POLA1: variants seen among roughly 807,000 people sequenced by gnomAD.
POLA1 encodes DNA polymerase alpha 1, catalytic subunit.
In POLA1, 15 loss-of-function variants were observed where a neutral mutation model predicts 124.0. The observed-to-expected ratio is 0.12, with a 90% CI of 0.08 to 0.19. The LOEUF (loss-of-function observed/expected upper bound fraction) is 0.19. POLA1 is among the 10% of genes least tolerant of loss of function. The pLI is 1.00. For missense variants in POLA1, 886 were observed against 1,103.4 expected (o/e 0.80, Z 2.79); for synonymous variants, 408 against 389.4 (o/e 1.05, Z -0.56).
Position 24,792,007 on chromosome X carries a change from T to C in POLA1, c.2965-17891T>C, listed in dbSNP as rs1028827009. Reference sequence around the variant, plus strand: ...ATTTTTCTACTGGTTTTGGGACTACTTGGGTGAGATATGTGAAATAGATTC... The same window carrying C: ...ATTTTTCTACTGGTTTTGGGACTACCTGGGTGAGATATGTGAAATAGATTC... On this transcript the variant is annotated intron_variant, in intron 26 of 36. Coordinates refer to ENST00000379068, the MANE Select transcript of POLA1 (RefSeq NM_001330360.2). Among the ~76,000 whole-genome samples, 5 of 112,338 alleles carry C rather than the reference T, an allele frequency of 4.5e-5. No individual in the cohort carries two copies. In the Admixed American group the frequency reaches 4.7e-4, roughly 11 times the overall value.
intron 26 of POLA1, among the ~76,000 whole-genome samples, chrX:24,783,422 A>T (rs2045302682): frequency 8.9e-6 from 1 of 111,830 alleles, no homozygotes; most frequent in African/African-American, 3.3e-5. Flanking sequence ...GCAATATATA[A>T]TGTGTAGGTA....
At chrX:24,876,730 G>T (rs1247065119) in intron 34 of POLA1, among the ~76,000 whole-genome samples, 1 of 110,902 alleles carries the variant, frequency 9.0e-6, no homozygotes, top group Non-Finnish European at 1.9e-5. Flanking sequence ...GTGGAGAGAC[G>T]AAGTCAGGGC....
At chrX:24,726,681 G>A (rs945839397) in intron 13 of POLA1, among the ~76,000 whole-genome samples, 8 of 111,593 alleles carry the variant, frequency 7.2e-5, no homozygotes, top group African/African-American at 2.0e-4. Context: ...ATTTTCTTTT[G>A]GGGGAGCTTC....
intron 32 of POLA1, among the ~76,000 whole-genome samples, chrX:24,836,072 C>T (rs1305956961): frequency 8.9e-6 from 1 of 111,945 alleles, no homozygotes; most frequent in Non-Finnish European, 1.9e-5. Flanking sequence ...TGATCCTCTA[C>T]ATACCTGGCA....
At chrX:24,881,550 A>G (rs1472086726) in intron 34 of POLA1, among the ~76,000 whole-genome samples, 1 of 111,728 alleles carries the variant, frequency 9.0e-6, no homozygotes, top group African/African-American at 3.3e-5. Flanking sequence ...CATAACCTCA[A>G]TTCTGTATTC....
chrX:24,745,617 A>G, intron 24 of POLA1, 75 bp downstream of exon 24: 6 of 698,046 alleles, frequency 8.6e-6, no homozygotes, highest in Non-Finnish European at 1.3e-5. Context: ...GTGTCTTTTT[A>G]AAATAGTTTT....
chrX:24,696,209 G>A (rs1927988089), intron 1 of POLA1, among the ~76,000 whole-genome samples: 1 of 112,460 alleles, frequency 8.9e-6, no homozygotes, highest in South Asian at 3.7e-4. Context: ...GCCCCTATCT[G>A]TAAGCTGCAG....
chrX:24,762,931 T>G (rs376587775), intron 26 of POLA1, among the ~76,000 whole-genome samples: 90 of 110,660 alleles, frequency 8.1e-4, no homozygotes, highest in African/African-American at 2.9e-3. Context: ...AGAGTTGGGG[T>G]TTCACCATGT....
chrX:24,859,148 G>A (rs939343047), intron 34 of POLA1, among the ~76,000 whole-genome samples: 1 of 111,160 alleles, frequency 9.0e-6, no homozygotes, highest in Non-Finnish European at 1.9e-5. Flanking sequence ...CTTGCTAATC[G>A]ATCTCCCTTG....
At chrX:24,829,359 C>T (rs898155265) in intron 32 of POLA1, among the ~76,000 whole-genome samples, 4 of 111,527 alleles carry the variant, frequency 3.6e-5, no homozygotes, top group East Asian at 2.8e-4. Context: ...TTTTATATCG[C>T]GGATGTGTGA....
chrX:24,707,661 A>G (rs1487881218), intron 4 of POLA1, among the ~76,000 whole-genome samples: 2 of 112,442 alleles, frequency 1.8e-5, no homozygotes, highest in East Asian at 5.6e-4. Flanking sequence ...TAAAAAGTCA[A>G]CTATGGTGTG....
At chrX:24,697,973 G>C (rs1003544753) in intron 1 of POLA1, among the ~76,000 whole-genome samples, 11 of 104,830 alleles carry the variant, frequency 1.0e-4, no homozygotes, top group Non-Finnish European at 1.6e-4. Flanking sequence ...ATAGAGTCTC[G>C]CTCTGTCACC....
intron 35 of POLA1, among the ~76,000 whole-genome samples, chrX:24,908,413 G>A (rs946079219): frequency 2.6e-5 from 2 of 76,432 alleles, no homozygotes; most frequent in Non-Finnish European, 4.6e-5. Flanking sequence ...AACAGGCCCT[G>A]GTGTGTGATG....
At chrX:24,782,485 T>C (rs1414815638) in intron 26 of POLA1, among the ~76,000 whole-genome samples, 1 of 112,087 alleles carries the variant, frequency 8.9e-6, no homozygotes, top group Non-Finnish European at 1.9e-5. Flanking sequence ...AAGATTAAAC[T>C]TAGATCACCT....
chrX:24,749,387 A>G (rs1020464025), intron 26 of POLA1, among the ~76,000 whole-genome samples: 2 of 111,954 alleles, frequency 1.8e-5, no homozygotes, highest in Non-Finnish European at 3.8e-5. Flanking sequence ...ATAAACATGT[A>G]TAAGAAATAA....
chrX:24,857,597 G>A (rs2046663028), intron 34 of POLA1, among the ~76,000 whole-genome samples: 1 of 111,270 alleles, frequency 9.0e-6, no homozygotes, highest in South Asian at 3.8e-4. Flanking sequence ...TTCAGCTTAT[G>A]GGTCCTGTAC....
chrX:24,817,327 C>T (rs866368671), intron 30 of POLA1, among the ~76,000 whole-genome samples: 5 of 111,089 alleles, frequency 4.5e-5, no homozygotes, highest in Admixed American at 9.6e-5. Flanking sequence ...TATTTACTGT[C>T]GGCCGGGCGC....
At chrX:24,735,352 G>A (rs1471728941) in intron 17 of POLA1, 47 bp from the exon 18 acceptor site, 1 of 774,564 alleles carries the variant, frequency 1.3e-6, no homozygotes, top group Non-Finnish European at 2.0e-6. Flanking sequence ...TACAGTACTT[G>A]CGGACAGTAA....
intron 36 of POLA1, among the ~76,000 whole-genome samples, chrX:24,971,800 T>TA (rs1469583916): frequency 9.0e-6 from 1 of 111,552 alleles, no homozygotes; most frequent in Non-Finnish European, 1.9e-5. Flanking sequence ...TAGTGTGGCT[T>TA]AGAGAGTGTA....
Sources: gnomAD v4.1 joint callset for allele counts (sites outside exome capture counted in the v4.1 genomes callset) on GRCh38, gnomAD v4.1.1 for gene constraint, MANE v1.5 for transcripts, NCBI Gene and HGNC (gene_info 2026-07-23, HGNC 2026-07-21) for gene names.